Variants in ENPP2 observed in about 807,000 individuals in gnomAD.
ENPP2 encodes autotaxin.
A neutral mutation model predicts 120.2 loss-of-function variants in ENPP2; 51 were observed. The observed-to-expected ratio is 0.42, with a 90% CI of 0.34 to 0.54. ENPP2 has a LOEUF of 0.54. Ranked by LOEUF, ENPP2 falls within the 20% of genes least tolerant of loss-of-function variation. ENPP2 has a pLI of 0.04. For missense variants in ENPP2, 920 were observed against 1,066.5 expected, an observed-to-expected ratio of 0.86 and a Z score of 1.91; for synonymous variants, 365 against 366.4, an observed-to-expected ratio of 1.00 and a Z score of 0.04.
chr8:119,570,676 A>C, intron 20 of ENPP2, 29 bp downstream of exon 20: 1 of 1,332,162 alleles, frequency 7.5e-7, no homozygotes, highest in Non-Finnish European at 1.0e-6. Context: ...AATAAAATAA[A>C]AAATATAAAA....
intron 11 of ENPP2, among the ~76,000 whole-genome samples, chr8:119,595,215 G>C (rs1025477197): frequency 6.6e-6 from 1 of 152,150 alleles, no homozygotes; most frequent in Non-Finnish European, 1.5e-5. Flanking sequence ...CTACTTCTTA[G>C]GGATCAGTTC....
chr8:119,595,786 GAAGGCA>G lies in ENPP2; in HGVS notation c.973-1932_973-1927del, dbSNP rs1813842478. 1.9e-6 allele frequency: 3 copies of G among 1,563,230 alleles called. No homozygotes were observed. The East Asian group carries it at 6.7e-5, about 35-fold the overall frequency. On this transcript the variant is annotated intron_variant, in intron 11 of 24. Transcript: ENST00000075322. ...CAGCCGATTTTCCAACCAAGGCACT[GAAGGCA>G]ACCTTCAACTCAGACCTGCCCGCCA...
intron 2 of ENPP2, among the ~76,000 whole-genome samples, chr8:119,630,841 C>T (rs1176267595): frequency 6.6e-6 from 1 of 151,966 alleles, no homozygotes; most frequent in African/African-American, 2.4e-5. Flanking sequence ...CCATATAGAA[C>T]CTCTTATAAA....
intron 3 of ENPP2, among the ~76,000 whole-genome samples, chr8:119,626,136 T>C (rs1816257168): frequency 6.6e-6 from 1 of 152,160 alleles, no homozygotes; most frequent in Non-Finnish European, 1.5e-5. Context: ...GGCGGGAAGA[T>C]GGCTTGAAGC....
chr8:119,598,903 A>T lies in ENPP2; in HGVS notation c.972+1775T>A, dbSNP rs143097591. Among the ~76,000 whole-genome samples the T allele has an allele frequency of 5.3e-5, 8 of 152,280 alleles. No individual in the cohort carries two copies. In the East Asian group the frequency reaches 1.5e-3, roughly 29 times the overall value. On this transcript the variant is annotated intron_variant, in intron 11 of 24. Transcript: ENST00000075322. ...GTACCGGAGTCCTACTTTTAAAAGG[A>T]TGGCTATACCAATCCGTTTTGCCTA...
chr8:119,561,645 G>A (rs1258642246), intron 24 of ENPP2, among the ~76,000 whole-genome samples: 1 of 152,112 alleles, frequency 6.6e-6, no homozygotes, highest in Admixed American at 6.5e-5. Flanking sequence ...ATGCCATCCT[G>A]CATCCTAGCT....
chr8:119,618,364 A>T (rs766655689), intron 5 of ENPP2: 7 of 471,634 alleles, frequency 1.5e-5, no homozygotes, highest in Non-Finnish European at 3.0e-5. Flanking sequence ...TCTTCCCCAC[A>T]AAGAGACCAT....
chr8:119,647,038 C>G (rs1817490821), intron 1 of ENPP2, among the ~76,000 whole-genome samples: 1 of 151,124 alleles, frequency 6.6e-6, no homozygotes, highest in Non-Finnish European at 1.5e-5. Flanking sequence ...GGCTCTGTCG[C>G]CCAGGCTGGA....
intron 12 of ENPP2, among the ~76,000 whole-genome samples, chr8:119,592,278 G>A (rs1813558870): frequency 6.6e-6 from 1 of 151,994 alleles, no homozygotes; most frequent in Non-Finnish European, 1.5e-5. Flanking sequence ...TTCGAGACCG[G>A]CCTGGCCAAC....
chr8:119,637,457 A>G (rs1397184183), intron 2 of ENPP2, among the ~76,000 whole-genome samples: 1 of 152,186 alleles, frequency 6.6e-6, no homozygotes, highest in Non-Finnish European at 1.5e-5. Context: ...TATTCCATCA[A>G]TGTATGTGTC....
chr8:119,654,450 A>G (rs879269134), intron 1 of ENPP2, among the ~76,000 whole-genome samples: 222 of 146,136 alleles, frequency 1.5e-3, no homozygotes, highest in Non-Finnish European at 2.6e-3. Flanking sequence ...ATATTGTTAT[A>G]TTTATAAACT....
intron 1 of ENPP2, among the ~76,000 whole-genome samples, chr8:119,668,488 G>T (rs1248300567): frequency 4.9e-5 from 7 of 141,778 alleles, no homozygotes; most frequent in Non-Finnish European, 9.0e-5. Flanking sequence ...GGAGTGCAGT[G>T]GTGCAATCTC....
chr8:119,587,015 G>C, intron 14 of ENPP2, 29 bp downstream of exon 14: 4 of 1,604,310 alleles, frequency 2.5e-6, no homozygotes, highest in Non-Finnish European at 3.4e-6. Flanking sequence ...CCTGGGCAGG[G>C]CAGAGGCGGG....
intron 24 of ENPP2, 24 bp downstream of exon 24, chr8:119,562,833 A>G (rs374756162): frequency 3.1e-6 from 5 of 1,609,142 alleles, no homozygotes; most frequent in Non-Finnish European, 4.2e-6. Context: ...AGCAAATCCT[A>G]AAGGACTCTC....
intron 1 of ENPP2, among the ~76,000 whole-genome samples, chr8:119,644,089 G>A (rs191810262): frequency 1.4e-4 from 21 of 152,264 alleles, no homozygotes; most frequent in African/African-American, 5.1e-4. Flanking sequence ...CCGAGGTCAT[G>A]TTAGGTGATA....
At chr8:119,644,681 TA>T (rs1563769101) in intron 1 of ENPP2, among the ~76,000 whole-genome samples, 3 of 143,372 alleles carry the variant, frequency 2.1e-5, no homozygotes, top group African/African-American at 7.6e-5. Context: ...CACACACACA[TA>T]TATATATACT....
chr8:119,642,995 C>A (rs1172990073), upstream of ENPP2, among the ~76,000 whole-genome samples: 3 of 152,120 alleles, frequency 2.0e-5, no homozygotes, highest in Admixed American at 2.0e-4. Context: ...GAACTGACAT[C>A]ACTAGATTTA....
chr8:119,600,630 G>A (rs779411879), intron 11 of ENPP2, 48 bp downstream of exon 11: 1 of 1,147,056 alleles, frequency 8.7e-7, no homozygotes, highest in Non-Finnish European at 1.3e-6. Context: ...AGTAGATCAG[G>A]TAGCCCAGGG....
chr8:119,640,812 G>A (rs1191551694), upstream of ENPP2, among the ~76,000 whole-genome samples: 1 of 152,132 alleles, frequency 6.6e-6, no homozygotes. Flanking sequence ...GCAATGGCTC[G>A]ATCTCGGCTC....
Sources: allele counts gnomAD v4.1 joint callset (sites outside exome capture counted in the v4.1 genomes callset), GRCh38; gene constraint gnomAD v4.1.1; transcripts MANE v1.5; gene names NCBI Gene and HGNC (gene_info 2026-07-23, HGNC 2026-07-21).